Variants in PML observed in about 807,000 individuals in gnomAD.
PML encodes the protein PML nuclear body scaffold, also known as protein PML.
PML carries 28 observed loss-of-function variants against 65.2 expected under a neutral mutation model. The observed-to-expected ratio is 0.43, with a 90% CI of 0.32 to 0.59. PML has a LOEUF of 0.59. Among genes scored for constraint, PML ranks in the 20% least tolerant of loss-of-function variants. The pLI, the probability that PML is intolerant of heterozygous loss-of-function variation, is 0.08. For synonymous variants in PML, 500 were observed against 508.8 expected (o/e 0.98, Z 0.23); for missense variants, 1,021 against 1,203.4 (o/e 0.85, Z 2.24).
chr15:74,043,601 C>T lies in PML; in HGVS notation c.1861+462C>T, dbSNP rs1401580282. ...GATCAGACCCCTTATCCTGGAAGCC[C>T]CTCTACTTCCTCCAGTGCTTGCCCT... is the stretch of plus-strand genomic sequence containing the variant. On this transcript the variant is annotated intron_variant, in intron 8 of 8. Transcript: ENST00000268058. The surrounding 1 kb of genome is among the most constrained non-coding windows in gnomAD (Gnocchi z 4.3). 4.5e-6 allele frequency: 2 copies of T among 443,998 alleles called. No homozygotes were observed. Among genetic ancestry groups the T allele is most frequent in the Non-Finnish European group, 8.6e-6 (2 of 232,302 alleles). 27.5% of individuals were successfully genotyped at this position (443,998 alleles called of 1,614,324 possible). A position where few individuals can be genotyped will look rare whatever the true frequency, so the allele number is the denominator to read the frequency against.
intron 4 of PML, among the ~76,000 whole-genome samples, chr15:74,029,386 G>A (rs1236108149): frequency 6.6e-6 from 1 of 152,196 alleles, no homozygotes; most frequent in Non-Finnish European, 1.5e-5. Context: ...CACTTTGGGA[G>A]GCGGAGGCAA....
At chr15:73,999,970 G>A (rs1025697041) in intron 2 of PML, among the ~76,000 whole-genome samples, 3 of 151,562 alleles carry the variant, frequency 2.0e-5, no homozygotes, top group African/African-American at 7.3e-5. Context: ...AAGTAGCTGC[G>A]ATTACAGGTG....
Position 74,023,358 on chromosome 15 carries a change from A to C in PML, c.1133A>C (p.Glu378Ala). The C allele has an allele frequency of 1.2e-6, 2 of 1,601,912 alleles. No homozygotes were observed. Among genetic ancestry groups the C allele is most frequent in the South Asian group, 2.2e-5 (2 of 91,072 alleles). Residue 378 changes from glutamate (E) to alanine (A), a missense_variant, in exon 3 of 9, where the codon GAG becomes GCG. Glu to Ala is a moderately radical substitution (Grantham distance 107, BLOSUM62 -1). Transcript: ENST00000268058. ...GCCGTGCGCACCGATGGCTTCGACG[A>C]GTTCAAGGTGCGCCTGCAGGACCTC... ...QAAVRTDGFD[E>A]FKVRLQDLSS...
intron 4 of PML, chr15:74,032,353 G>A (rs1350143705): frequency 1.7e-6 from 1 of 591,192 alleles, no homozygotes; most frequent in African/African-American, 1.9e-5. Flanking sequence ...GCAACATAGT[G>A]AGACCCTGTC....
intron 2 of PML, among the ~76,000 whole-genome samples, chr15:74,005,859 C>CGT (rs1051774983): frequency 2.0e-5 from 3 of 152,124 alleles, no homozygotes; most frequent in African/African-American, 7.2e-5. Context: ...TTGTAGCTAG[C>CGT]GTGGGCTGGC....
intron 2 of PML, among the ~76,000 whole-genome samples, chr15:74,013,123 A>T (rs1213029295): frequency 6.6e-6 from 1 of 152,194 alleles, no homozygotes; most frequent in Non-Finnish European, 1.5e-5. Context: ...AACATTTTGT[A>T]TCAAATTATT....
chr15:74,037,674 C>T lies in PML; in HGVS notation c.1710+3144C>T, dbSNP rs748720658. The T allele has an allele frequency of 3.0e-5, 30 of 985,242 alleles. No homozygotes were observed. Among genetic ancestry groups the T allele is most frequent in the South Asian group, 4.7e-5 (1 of 21,284 alleles). The allele number at this position is 985,242 out of a possible 1,614,324, so 61.0% of individuals were successfully genotyped here. A position where few individuals can be genotyped will look rare whatever the true frequency, so the allele number is the denominator to read the frequency against. ...GCGTTTAGTCGTTATTATTCTTGAC[C>T]GGCGCTGGGCCCGGTCTTTCCTGGA... On this transcript the variant is annotated intron_variant, in intron 7 of 8. Transcript: ENST00000268058. The surrounding 1 kb of genome is among the most constrained non-coding windows in gnomAD (Gnocchi z 4.2).
chr15:74,035,317 C>A lies in PML; in HGVS notation c.1710+787C>A. ...AGCCTGCCCTGTGGCACATACCACC[C>A]CCCAGCTTGGCCTCCCCACCAGCCC... is the stretch of plus-strand genomic sequence containing the variant. On this transcript the variant is annotated intron_variant, in intron 7 of 8. Coordinates refer to ENST00000268058, the MANE Select transcript of PML (RefSeq NM_033238.3). This position sits in a 1 kb window ranked among gnomAD's most constrained non-coding sequence, Gnocchi z 4.1. 1.2e-6 allele frequency: 2 copies of A among 1,612,814 alleles called. No homozygotes were observed. Among genetic ancestry groups the A allele is most frequent in the South Asian group, 1.1e-5 (1 of 91,080 alleles).
chr15:74,019,433 TTC>T (rs564143260), intron 2 of PML, among the ~76,000 whole-genome samples: 136 of 152,348 alleles, frequency 8.9e-4, no homozygotes, highest in African/African-American at 3.1e-3. Flanking sequence ...TTTATTAGTA[TTC>T]TGTTTTTTAA....
In PML at chr15:73,998,945, C is replaced by T. The variant is rs1424366843; in HGVS notation, c.602+469C>T. The stretch of plus-strand genomic sequence containing the variant: ...AGTTGAAACCATTAACACCAGGCAG[C>T]GCTATCTGAGAATGTCTGTATGGGG... On this transcript the variant is annotated intron_variant, in intron 2 of 8. Coordinates refer to ENST00000268058, the MANE Select transcript of PML (RefSeq NM_033238.3). 2.6e-5 allele frequency among the ~76,000 whole-genome samples: 4 copies of T among 152,126 alleles called. No homozygotes were observed. In the East Asian group the frequency reaches 7.7e-4, roughly 29 times the overall value.
intron 2 of PML, among the ~76,000 whole-genome samples, chr15:74,007,762 A>G (rs1160597223): frequency 6.6e-6 from 1 of 152,008 alleles, no homozygotes; most frequent in Non-Finnish European, 1.5e-5. Context: ...TTCATGTCAC[A>G]CCTACTGTGT....
chr15:73,998,551 A>T, intron 2 of PML, 75 bp downstream of exon 2: 1 of 1,296,644 alleles, frequency 7.7e-7, no homozygotes, highest in Non-Finnish European at 1.1e-6. Context: ...AGATCCAAAG[A>T]GTCACACAGC....
intron 4 of PML, 197 bp downstream of exon 4, chr15:74,025,124 G>A (rs958022315): frequency 1.7e-6 from 1 of 586,590 alleles, no homozygotes; most frequent in African/African-American, 1.9e-5. Flanking sequence ...CTGACTCTAG[G>A]CTCCTAAATG....
chr15:74,036,339 G>A, intron 7 of PML: 2 of 1,416,440 alleles, frequency 1.4e-6, no homozygotes, highest in African/African-American at 1.4e-5. Context: ...CACAGGGACT[G>A]GCTATCCCAA....
At chr15:74,027,463 G>A (rs1188932699) in intron 4 of PML, 2 of 152,206 alleles carry the variant, frequency 1.3e-5, no homozygotes, top group Non-Finnish European at 1.5e-5. Context: ...AAGGTGGGAG[G>A]ATCACCTGAG....
At chr15:74,017,940 G>C (rs748644963) in intron 2 of PML, among the ~76,000 whole-genome samples, 4 of 152,178 alleles carry the variant, frequency 2.6e-5, no homozygotes, top group African/African-American at 9.7e-5. Context: ...TTTGAGACCA[G>C]CCTGGGCAAA....
At position 74,042,566 on chromosome 15, in the gene PML, C is replaced by T; in HGVS notation, c.1711-423C>T. 3 of 985,408 alleles carry T rather than the reference C, an allele frequency of 3.0e-6. No homozygotes were observed. In the South Asian group the frequency reaches 1.4e-4, roughly 46 times the overall value. The allele number at this position is 985,408 out of a possible 1,614,324, so 61.0% of individuals were successfully genotyped here. ...GCCTGCCATAGCAGATGGCTCCTTC[C>T]CTGAGCCTCCATAAGCAGCACAGCA... On this transcript the variant is annotated intron_variant, in intron 7 of 8. Coordinates refer to ENST00000268058, the MANE Select transcript of PML (RefSeq NM_033238.3). The surrounding 1 kb of genome is among the most constrained non-coding windows in gnomAD (Gnocchi z 5.3).
Position 74,047,221 on chromosome 15 carries a change from G to A in PML, c.*2213G>A, listed in dbSNP as rs1182949492. 1 of 230,828 alleles carries A rather than the reference G, an allele frequency of 4.3e-6. No individual in the cohort carries two copies. Among genetic ancestry groups the A allele is most frequent in the African/African-American group, 2.2e-5 (1 of 45,162 alleles). The allele number at this position is 230,828 out of a possible 1,614,324, so 14.3% of individuals were successfully genotyped here. On this transcript the variant is annotated 3_prime_UTR_variant, in exon 9 of 9. Transcript: ENST00000268058. ...AAAAAGGGAGGTGTGGGAGGCCCAG[G>A]ACTTTGGTAACAGGTGATGAATGTG...
In PML at chr15:74,044,640, C is replaced by G. The variant is rs200757566; in HGVS notation, c.2281C>G (p.Pro761Ala). 47 of 1,605,846 alleles carry G rather than the reference C, an allele frequency of 2.9e-5. No individual in the cohort carries two copies. In the Admixed American group the frequency reaches 6.2e-4, roughly 21 times the overall value. The change falls in exon 9 of 9, where the codon CCG becomes GCG. Residue 761 changes from proline (P) to alanine (A), a missense_variant. Physicochemically the swap from Pro to Ala is conservative, Grantham distance 27 (BLOSUM62 -1). Coordinates refer to ENST00000268058, the MANE Select transcript of PML (RefSeq NM_033238.3). The stretch of plus-strand genomic sequence containing the variant: ...CCTGTGCCGCCTCCTCGAGGTCTCC[C>G]CGGGCCCCCAGCTGGCCCAGCATGT... ...RDLCRLLEVS[P>A]GPQLAQHVYP... is the part of the protein sequence containing the mutation.
Sources: allele counts gnomAD v4.1 joint callset (sites outside exome capture counted in the v4.1 genomes callset), GRCh38; gene constraint gnomAD v4.1.1; non-coding constraint Gnocchi (gnomAD v3.1); transcripts MANE v1.5; gene names NCBI Gene and HGNC (gene_info 2026-07-23, HGNC 2026-07-21).